The following KCNK2 variants were observed in gnomAD, a reference collection of about 807,000 sequenced individuals.
The protein encoded by KCNK2 is potassium two pore domain channel subfamily K member 2.
KCNK2 carries 21 observed loss-of-function variants against 40.5 expected under a neutral mutation model. The observed-to-expected ratio is 0.52, with a 90% CI of 0.37 to 0.75. KCNK2 has a LOEUF of 0.75. KCNK2 is among the 30% of genes least tolerant of loss of function. The pLI is 0.00. For missense variants in KCNK2, 399 were observed against 531.6 expected, an observed-to-expected ratio of 0.75 and a Z score of 2.45; for synonymous variants, 191 against 202.2, an observed-to-expected ratio of 0.94 and a Z score of 0.47.
chr1:215,068,948 C>T (rs954002433), intron 1 of KCNK2, among the ~76,000 whole-genome samples: 3 of 152,010 alleles, frequency 2.0e-5, no homozygotes, highest in Admixed American at 1.3e-4. Context: ...TTATCAGTGT[C>T]CAGAAAACAA....
intron 1 of KCNK2, among the ~76,000 whole-genome samples, chr1:215,043,259 C>T (rs1370967113): frequency 6.6e-6 from 1 of 152,170 alleles, no homozygotes; most frequent in Non-Finnish European, 1.5e-5. Flanking sequence ...AAAAACTATA[C>T]ATAGGATTAC....
intron 3 of KCNK2, among the ~76,000 whole-genome samples, chr1:215,142,071 G>A (rs905782098): frequency 4.6e-5 from 7 of 152,114 alleles, no homozygotes; most frequent in African/African-American, 1.7e-4. Flanking sequence ...ACTGACTTGA[G>A]TTTGTACTAT....
intron 6 of KCNK2, among the ~76,000 whole-genome samples, chr1:215,226,379 G>A (rs1233961638): frequency 2.0e-5 from 3 of 152,154 alleles, no homozygotes; most frequent in Admixed American, 6.5e-5. Flanking sequence ...AAGCTGGAGC[G>A]CAGTGGCGTG....
At chr1:215,005,824 C>G, upstream of KCNK2, 1 of 1,072,632 alleles carries the variant, frequency 9.3e-7, no homozygotes, top group Admixed American at 1.7e-5. Context: ...CTTGTTAGTA[C>G]AAGTGACTCT....
chr1:215,197,651 G>A (rs1664920991), intron 6 of KCNK2, among the ~76,000 whole-genome samples: 1 of 152,100 alleles, frequency 6.6e-6, no homozygotes, highest in Non-Finnish European at 1.5e-5. Flanking sequence ...CACAAATCAG[G>A]CCATAACACC....
chr1:215,080,178 T>C (rs2102522002), upstream of KCNK2, among the ~76,000 whole-genome samples: 1 of 152,302 alleles, frequency 6.6e-6, no homozygotes, highest in East Asian at 1.9e-4. Context: ...TATGCAAGCA[T>C]ATATCAAAAC....
At chr1:215,194,673 T>C (rs1228992741) in intron 5 of KCNK2, among the ~76,000 whole-genome samples, 1 of 152,168 alleles carries the variant, frequency 6.6e-6, no homozygotes, top group Non-Finnish European at 1.5e-5. Context: ...TGAGATGGAT[T>C]ATATAAATGT....
rs116538731 is a variant in KCNK2 at position 215,156,533 on chromosome 1, A to G, written c.476-12666A>G. ...AATGTTAGCTGGCTGATGGGGAAAA[A>G]GATCTAAATTACAGAGCTTGCCAAT... On this transcript the variant is annotated intron_variant, in intron 3 of 6. Transcript: ENST00000444842. 8.3e-4 allele frequency among the ~76,000 whole-genome samples: 127 copies of G among 152,290 alleles called. 1 individual carries two copies. The highest frequency in any genetic ancestry group is 2.9e-3 in the African/African-American group (121 of 41,566).
At chr1:215,221,429 A>AGG (rs1283124409) in intron 6 of KCNK2, among the ~76,000 whole-genome samples, 1 of 152,226 alleles carries the variant, frequency 6.6e-6, no homozygotes, top group Admixed American at 6.5e-5. Context: ...AAATACTAAT[A>AGG]GGCTACTATT....
chr1:215,061,797 CTAGT>C, intron 1 of KCNK2, among the ~76,000 whole-genome samples: 3 of 151,788 alleles, frequency 2.0e-5, no homozygotes, highest in African/African-American at 7.2e-5. Flanking sequence ...GTCCTTGTTA[CTAGT>C]TAGTTTTAAT....
At chr1:215,089,404 G>A (rs1659598567) in intron 2 of KCNK2, among the ~76,000 whole-genome samples, 1 of 152,184 alleles carries the variant, frequency 6.6e-6, no homozygotes. Context: ...ATTATGGAGA[G>A]TGAGGACAGA....
chr1:215,018,381 T>A (rs1656665622), intron 1 of KCNK2, among the ~76,000 whole-genome samples: 1 of 152,210 alleles, frequency 6.6e-6, no homozygotes, highest in South Asian at 2.1e-4. Context: ...TCATGACTAA[T>A]TATAGGGTCT....
At chr1:215,023,761 G>C (rs1220501827) in intron 1 of KCNK2, among the ~76,000 whole-genome samples, 1 of 152,184 alleles carries the variant, frequency 6.6e-6, no homozygotes. Context: ...AAAACACTTG[G>C]CTTTCCAGGT....
At chr1:215,078,728 G>A (rs915952077), upstream of KCNK2, among the ~76,000 whole-genome samples, 9 of 152,140 alleles carry the variant, frequency 5.9e-5, no homozygotes, top group African/African-American at 2.2e-4. Flanking sequence ...ACACATAAAT[G>A]CTGTCTCACT....
intron 3 of KCNK2, among the ~76,000 whole-genome samples, chr1:215,135,644 C>T (rs1661872507): frequency 6.6e-6 from 1 of 151,930 alleles, no homozygotes; most frequent in African/African-American, 2.4e-5. Flanking sequence ...GTTATTCCCA[C>T]AAGACTGTGT....
At chr1:215,215,104 C>T (rs1053282100) in intron 6 of KCNK2, among the ~76,000 whole-genome samples, 1 of 152,024 alleles carries the variant, frequency 6.6e-6, no homozygotes. Flanking sequence ...TGTTATGAAC[C>T]TTGAAGATGT....
chr1:215,083,443 C>CG lies in KCNK2; in HGVS notation c.46+12_46+13insG. ...CTATAGAGCAGGAGGTGAGACCCCC[C>CG]CTCCGGTACCCCCACCCCTCTGGCC... On this transcript the variant is annotated intron_variant, in intron 1 of 6. Coordinates refer to ENST00000444842, the MANE Select transcript of KCNK2 (RefSeq NM_001017425.3). The CG allele has an allele frequency of 1.3e-6, 2 of 1,596,402 alleles. No homozygotes were observed. The highest frequency in any genetic ancestry group is 1.7e-6 in the Non-Finnish European group (2 of 1,164,482).
intron 6 of KCNK2, among the ~76,000 whole-genome samples, chr1:215,199,282 C>G (rs1425185334): frequency 2.0e-5 from 3 of 152,002 alleles, no homozygotes; most frequent in Non-Finnish European, 4.4e-5. Flanking sequence ...GCACTCCAGC[C>G]TGGGTGACAG....
At chr1:215,169,415 TTA>T (rs1455136107) in intron 4 of KCNK2, 56 bp downstream of exon 4, 4 of 1,369,338 alleles carry the variant, frequency 2.9e-6, no homozygotes, top group Non-Finnish European at 4.0e-6. Flanking sequence ...TTTTAAAAAA[TTA>T]TATCTTTTCT....
Sources: allele counts gnomAD v4.1 joint callset (sites outside exome capture counted in the v4.1 genomes callset), GRCh38; gene constraint gnomAD v4.1.1; transcripts MANE v1.5; gene names NCBI Gene and HGNC (gene_info 2026-07-23, HGNC 2026-07-21).